TSN: variants seen among roughly 807,000 people sequenced by gnomAD.
The protein encoded by TSN is translin.
Under a neutral mutation model 29.4 loss-of-function variants are expected in TSN, and 5 were observed. That is an observed-to-expected ratio of 0.17 (90% confidence interval 0.09 to 0.36). The LOEUF is 0.36. Among genes scored for constraint, TSN ranks in the 10% least tolerant of loss-of-function variants. TSN has a pLI of 1.00. For synonymous variants in TSN, 106 were observed against 102.2 expected, an observed-to-expected ratio of 1.04 and a Z score of -0.23; for missense variants, 159 against 272.8, an observed-to-expected ratio of 0.58 and a Z score of 2.94.
At position 121,755,865 on chromosome 2, in the gene TSN, C is replaced by T; in HGVS notation, c.66+20C>T. On this transcript the variant is annotated intron_variant, in intron 1 of 5. Transcript: ENST00000389682. ...CGAGAGGCGAGCCCCCTCCCTTCCC[C>T]ATTCCCTTTGCCTTTCCATGCCTAG... 6.2e-7 allele frequency: 1 copy of T among 1,613,996 alleles called. No homozygotes were observed. The highest frequency in any genetic ancestry group is 8.5e-7 in the Non-Finnish European group (1 of 1,180,004).
At chr2:121,762,007 T>C (rs899000378) in intron 4 of TSN, among the ~76,000 whole-genome samples, 11 of 150,870 alleles carry the variant, frequency 7.3e-5, no homozygotes, top group East Asian at 1.9e-4. Context: ...TTTTTTTTTT[T>C]CCGAAATGGA....
chr2:121,758,931 C>A (rs914898928), intron 3 of TSN, 125 bp downstream of exon 3: 17 of 561,792 alleles, frequency 3.0e-5, no homozygotes, highest in Non-Finnish European at 4.1e-5. Context: ...AGAGAAAAAA[C>A]CGAACTAATA....
chr2:121,757,229 A>G lies in TSN; in HGVS notation c.67-11A>G, dbSNP rs1311536299. The G allele has an allele frequency of 1.2e-6, 2 of 1,611,864 alleles. No homozygotes were observed. The highest frequency in any genetic ancestry group is 8.5e-7 in the Non-Finnish European group (1 of 1,178,660). ...GTTGAGTATCTGATTTTTATTTTTA[A>G]TTCTCTCTAGGAAATCAGAAAAGTT... On this transcript the variant is annotated splice_polypyrimidine_tract_variant and intron_variant, in intron 1 of 5. Coordinates refer to ENST00000389682, the MANE Select transcript of TSN (RefSeq NM_004622.3).
At chr2:121,756,610 A>C (rs2074752455) in intron 1 of TSN, 1 of 1,299,482 alleles carries the variant, frequency 7.7e-7, no homozygotes, top group African/African-American at 1.5e-5. Flanking sequence ...GAATATTTTA[A>C]AAATGAATTA....
At chr2:121,757,462 T>G in intron 2 of TSN, 129 bp downstream of exon 2, 1 of 1,532,716 alleles carries the variant, frequency 6.5e-7, no homozygotes, top group Non-Finnish European at 8.8e-7. Context: ...AAGTAGGTGA[T>G]TTGATAATTT....
In TSN at chr2:121,765,621, G is replaced by A. The variant is rs1480871308; in HGVS notation, c.*254G>A. On this transcript the variant is annotated 3_prime_UTR_variant, in exon 6 of 6. Coordinates refer to ENST00000389682, the MANE Select transcript of TSN (RefSeq NM_004622.3). ...CAGTGTATTTCAGTTCCGTCAGAAA[G>A]TGTAAATGTTAGTTTCTTGGTAAAG... The A allele has an allele frequency of 2.0e-6, 1 of 503,116 alleles. No homozygotes were observed. Among genetic ancestry groups the A allele is most frequent in the South Asian group, 2.5e-5 (1 of 39,374 alleles). The allele number at this position is 503,116 out of a possible 1,614,324, so 31.2% of individuals were successfully genotyped here. A position where few individuals can be genotyped will look rare whatever the true frequency, so the allele number is the denominator to read the frequency against.
chr2:121,758,918 A>G, intron 3 of TSN, 112 bp downstream of exon 3: 2 of 655,266 alleles, frequency 3.1e-6, no homozygotes, highest in Non-Finnish European at 4.5e-6. Flanking sequence ...AGAAGTAACA[A>G]AAAGAGAAAA....
chr2:121,760,538 G>T (rs544688443), intron 3 of TSN, among the ~76,000 whole-genome samples: 30 of 151,572 alleles, frequency 2.0e-4, no homozygotes, highest in African/African-American at 7.1e-4. Context: ...CCTTTTTTTT[G>T]AATGTATTGC....
chr2:121,765,034 G>A (rs2106457799), intron 5 of TSN, 100 bp from the exon 6 acceptor site: 1 of 1,033,212 alleles, frequency 9.7e-7, no homozygotes, highest in African/African-American at 1.6e-5. Flanking sequence ...GATCAGCGTG[G>A]CTGTCTAGGC....
rs566781186 is a variant in TSN at position 121,756,517 on chromosome 2, G to T, written c.66+672G>T. 22 of 558,348 alleles carry T rather than the reference G, an allele frequency of 3.9e-5. No individual in the cohort carries two copies. The Admixed American group carries it at 7.3e-4, about 19-fold the overall frequency. 34.6% of individuals were successfully genotyped at this position (558,348 alleles called of 1,614,324 possible). A position where few individuals can be genotyped will look rare whatever the true frequency, so the allele number is the denominator to read the frequency against. ...TTTTAAAAAAATCTTCTCCCTCATT[G>T]TATGTTAAACCGCCAGAGGGAAGGG... On this transcript the variant is annotated intron_variant, in intron 1 of 5. Transcript: ENST00000389682.
intron 3 of TSN, among the ~76,000 whole-genome samples, chr2:121,759,663 G>C (rs973897182): frequency 6.6e-6 from 1 of 151,676 alleles, no homozygotes; most frequent in South Asian, 2.1e-4. Flanking sequence ...GGTTTCATAG[G>C]TGTTAAACTG....
intron 3 of TSN, among the ~76,000 whole-genome samples, chr2:121,759,523 G>A (rs1011082314): frequency 2.0e-5 from 3 of 152,000 alleles, no homozygotes; most frequent in African/African-American, 7.3e-5. Context: ...CAGGAGAATC[G>A]CTTGAACCAG....
chr2:121,757,114 A>C, intron 1 of TSN, 126 bp from the exon 2 acceptor site: 1 of 843,374 alleles, frequency 1.2e-6, no homozygotes, highest in Non-Finnish European at 1.8e-6. Flanking sequence ...TTACAGAGGA[A>C]ATAAGTGGAA....
intron 1 of TSN, chr2:121,756,629 G>C: frequency 7.7e-7 from 1 of 1,297,694 alleles, no homozygotes; most frequent in Non-Finnish European, 1.0e-6. Flanking sequence ...TAGAGGCGGG[G>C]AGCGGCGCCT....
At position 121,761,492 on chromosome 2, in the gene TSN, T is replaced by C; in HGVS notation, c.341T>C (p.Val114Ala). 2 of 1,614,156 alleles carry C rather than the reference T, an allele frequency of 1.2e-6. No homozygotes were observed. Among genetic ancestry groups the C allele is most frequent in the Non-Finnish European group, 1.7e-6 (2 of 1,179,988 alleles). The change falls in exon 4 of 6, where the codon GTG (valine) becomes GCG (alanine). Residue 114 changes from valine to alanine, a missense_variant. This residue lies in a region of TSN where 85 missense variants were observed against 178.1 expected (regional missense o/e 0.48). Coordinates refer to ENST00000389682, the MANE Select transcript of TSN (RefSeq NM_004622.3). ...GTGTATTTGGAAACAGAAACACTAGTGACTCGAGAAGCAGTTACAGAAATT... is the reference window on the plus strand; with the variant it reads ...GTGTATTTGGAAACAGAAACACTAGCGACTCGAGAAGCAGTTACAGAAATT... Reference protein sequence around the residue: ...FVVYLETETLVTREAVTEILG... With the variant: ...FVVYLETETLATREAVTEILG...
intron 1 of TSN, among the ~76,000 whole-genome samples, chr2:121,757,023 A>C (rs2074759904): frequency 6.6e-6 from 1 of 152,140 alleles, no homozygotes; most frequent in Admixed American, 6.6e-5. Context: ...GTCCCAATTG[A>C]ATACTTGGGT....
At position 121,755,848 on chromosome 2, in the gene TSN, G is replaced by A. The variant is rs972004192; in HGVS notation, c.66+3G>A. 10 of 1,613,986 alleles carry A rather than the reference G, an allele frequency of 6.2e-6. No individual in the cohort carries two copies. The highest frequency in any genetic ancestry group is 8.5e-6 in the Non-Finnish European group (10 of 1,180,010). The stretch of plus-strand genomic sequence containing the variant: ...CTGCCGAGCAGGACATCCGAGAGGC[G>A]AGCCCCCTCCCTTCCCCATTCCCTT... On this transcript the variant is annotated splice_donor_region_variant and intron_variant, in intron 1 of 5. Transcript: ENST00000389682.
Position 121,758,958 on chromosome 2 carries a change from TTGG to T in TSN, c.257+155_257+157del, listed in dbSNP as rs1573388041. 5 of 448,404 alleles carry T rather than the reference TTGG, an allele frequency of 1.1e-5. No homozygotes were observed. The East Asian group carries it at 1.9e-4, about 17-fold the overall frequency. 27.8% of individuals were successfully genotyped at this position (448,404 alleles called of 1,614,324 possible). ...GAACTAATAATGGTCATGACAAAAA[TTGG>T]TGATTTTATTTTTTTCTTCTTTTTA... is the stretch of plus-strand genomic sequence containing the variant. On this transcript the variant is annotated intron_variant, in intron 3 of 5. Coordinates refer to ENST00000389682, the MANE Select transcript of TSN (RefSeq NM_004622.3).
Position 121,765,745 on chromosome 2 carries a change from C to G in TSN, c.*378C>G, listed in dbSNP as rs907870071. The stretch of plus-strand genomic sequence containing the variant: ...TGTGATGCTTGATATTTTCTATATG[C>G]GAGTTAGCCATCCACACCCAGGCAT... On this transcript the variant is annotated 3_prime_UTR_variant, in exon 6 of 6. Transcript: ENST00000389682. The G allele has an allele frequency of 1.5e-5, 3 of 194,458 alleles. No homozygotes were observed. Among genetic ancestry groups the G allele is most frequent in the Admixed American group, 1.1e-4 (2 of 18,264 alleles). 12.0% of individuals were successfully genotyped at this position (194,458 alleles called of 1,614,324 possible).
Sources: allele counts gnomAD v4.1 joint callset (sites outside exome capture counted in the v4.1 genomes callset), GRCh38; gene constraint gnomAD v4.1.1; regional missense constraint gnomAD v4.1.1; transcripts MANE v1.5; gene names NCBI Gene and HGNC (gene_info 2026-07-23, HGNC 2026-07-21).